Variants in TBC1D12 observed in about 807,000 individuals in gnomAD.
The protein encoded by TBC1D12 is TBC1 domain family member 12, also known as TBC1 domain family, member 12.
In TBC1D12, 56 loss-of-function variants were observed where a neutral mutation model predicts 86.7. The ratio of observed to expected loss-of-function variants is 0.65; its 90% confidence interval spans 0.52 to 0.81. TBC1D12 has a LOEUF of 0.81. Among genes scored for constraint, TBC1D12 ranks in the 30% least tolerant of loss-of-function variants. The probability of loss-of-function intolerance (pLI) is 0.00; values close to 1 mark genes in which losing one functional copy is unlikely to be tolerated. For missense variants in TBC1D12, 1,023 were observed against 1,038.8 expected (o/e 0.98, Z 0.21); for synonymous variants, 421 against 411.7 (o/e 1.02, Z -0.27).
intron 9 of TBC1D12, among the ~76,000 whole-genome samples, chr10:94,519,939 G>A (rs753736653): frequency 5.3e-5 from 8 of 152,066 alleles, no homozygotes; most frequent in Non-Finnish European, 7.3e-5. Flanking sequence ...CATATTCATA[G>A]CTTCTGGTTA....
intron 8 of TBC1D12, among the ~76,000 whole-genome samples, chr10:94,510,400 C>G (rs2056512231): frequency 6.6e-6 from 1 of 152,092 alleles, no homozygotes; most frequent in Non-Finnish European, 1.5e-5. Context: ...CATTTAATAC[C>G]TTTTATGTAG....
chr10:94,436,969 G>C (rs1283706412), intron 1 of TBC1D12, among the ~76,000 whole-genome samples: 1 of 151,904 alleles, frequency 6.6e-6, no homozygotes, highest in Non-Finnish European at 1.5e-5. Flanking sequence ...GCCTCCCAAA[G>C]TGCTGGGATT....
chr10:94,427,994 A>G (rs558557009), intron 1 of TBC1D12, among the ~76,000 whole-genome samples: 8 of 152,274 alleles, frequency 5.3e-5, no homozygotes, highest in African/African-American at 9.6e-5. Flanking sequence ...ATAAATTTGT[A>G]TATTTGAATT....
At chr10:94,471,412 G>A (rs11187969) in intron 2 of TBC1D12, among the ~76,000 whole-genome samples, 14,467 of 152,102 alleles carry the variant, frequency 0.095, 1,016 homozygotes, top group East Asian at 0.36. Context: ...ATCAAACTTG[G>A]CTTTATCCAA....
chr10:94,503,808 A>G (rs2056428495), intron 6 of TBC1D12, among the ~76,000 whole-genome samples: 1 of 152,132 alleles, frequency 6.6e-6, no homozygotes, highest in Non-Finnish European at 1.5e-5. Context: ...TATTTTTAGT[A>G]GAGATGGGGT....
chr10:94,431,606 C>G (rs2055217069), intron 1 of TBC1D12, among the ~76,000 whole-genome samples: 1 of 152,112 alleles, frequency 6.6e-6, no homozygotes, highest in East Asian at 1.9e-4. Context: ...ACAAATGGTA[C>G]TTCAAAATAT....
In TBC1D12 at chr10:94,402,923, C is replaced by G. The variant is rs778164109; in HGVS notation, c.310C>G (p.Pro104Ala). Residue 104 changes from proline (P) to alanine (A), a missense_variant, in exon 1 of 13, where the codon CCA becomes GCA. Transcript: ENST00000225235. The stretch of plus-strand genomic sequence containing the variant: ...CGGCGCCCCGCCGCCCTCGGCAGCC[C>G]CACGATCGGACGCCTGCCTGCTGGG... ...QAGAPPPSAA[P>A]RSDACLLGSG... 1.9e-5 allele frequency: 29 copies of G among 1,529,390 alleles called. No individual in the cohort carries two copies. The highest frequency in any genetic ancestry group is 2.5e-5 in the Non-Finnish European group (29 of 1,142,968). The allele number at this position is 1,529,390 out of a possible 1,614,324, so 94.7% of individuals were successfully genotyped here.
intron 11 of TBC1D12, among the ~76,000 whole-genome samples, chr10:94,530,401 TGGATGTTTGTGCAAGG>T (rs1381779564): frequency 2.0e-5 from 3 of 152,096 alleles, no homozygotes; most frequent in Admixed American, 6.6e-5. Context: ...AACAAAACAA[TGGATGTTTGTGCAAGG>T]GGAAGAGAAA....
At chr10:94,523,282 TG>T (rs982818714) in intron 11 of TBC1D12, among the ~76,000 whole-genome samples, 11 of 150,756 alleles carry the variant, frequency 7.3e-5, no homozygotes, top group African/African-American at 2.7e-4. Flanking sequence ...GTCTATAAAT[TG>T]GGAATAATAT....
intron 6 of TBC1D12, among the ~76,000 whole-genome samples, chr10:94,502,360 TA>T (rs1471031207): frequency 6.7e-6 from 1 of 150,254 alleles, no homozygotes; most frequent in African/African-American, 2.5e-5. Flanking sequence ...AATAAATAAA[TA>T]AATTTTTAAA....
intron 1 of TBC1D12, among the ~76,000 whole-genome samples, chr10:94,422,598 T>G (rs1265221845): frequency 6.6e-6 from 1 of 152,104 alleles, no homozygotes; most frequent in Non-Finnish European, 1.5e-5. Flanking sequence ...TTTTAAGAGA[T>G]AGAGTCTTGC....
chr10:94,527,870 T>C (rs1468341755), intron 11 of TBC1D12, among the ~76,000 whole-genome samples: 1 of 152,212 alleles, frequency 6.6e-6, no homozygotes, highest in African/African-American at 2.4e-5. Context: ...TTGTCAAAAA[T>C]CAGTTGGCTA....
Position 94,441,966 on chromosome 10 carries a change from G to C in TBC1D12, c.1042G>C (p.Gly348Arg), listed in dbSNP as rs1441594235. 2.5e-6 allele frequency: 4 copies of C among 1,613,046 alleles called. No homozygotes were observed. Among genetic ancestry groups the C allele is most frequent in the East Asian group, 2.2e-5 (1 of 44,750 alleles). ...TAGTGCTCCTGGTTGGAAATTATTT[G>C]GTAAAGTCCCTCCTAGAGAGAATCT... is the stretch of plus-strand genomic sequence containing the variant. ...VHSAPGWKLF[G>R]KVPPRENLQK... Residue 348 changes from glycine to arginine, a missense_variant, in exon 2 of 13, where the codon GGT becomes CGT. Around this residue, in one of 2 missense-constraint regions of TBC1D12, gnomAD observed 628 missense variants for 531.1 expected, o/e 1.18. Coordinates refer to ENST00000225235, the MANE Select transcript of TBC1D12 (RefSeq NM_015188.2).
intron 3 of TBC1D12, among the ~76,000 whole-genome samples, chr10:94,480,583 T>A (rs2056062732): frequency 6.6e-6 from 1 of 152,046 alleles, no homozygotes; most frequent in South Asian, 2.1e-4. Context: ...TGCCACTTGG[T>A]CCCTGCCACC....
rs1842531261 is a variant in TBC1D12, at chr10:94,535,841, ATAAATGTG to A, written c.*2748_*2755del. On this transcript the variant is annotated 3_prime_UTR_variant, in exon 13 of 13. Transcript: ENST00000225235. ...TGTACAGTTTCTTTACCTTTCAAGT[ATAAATGTG>A]TATATAAAATGTAAATACAAAGAAT... 1 of 152,140 alleles carries A rather than the reference ATAAATGTG, an allele frequency of 6.6e-6. No individual in the cohort carries two copies. The highest frequency in any genetic ancestry group is 2.4e-5 in the African/African-American group (1 of 41,438). The allele number at this position is 152,140 out of a possible 1,614,324, so 9.4% of individuals were successfully genotyped here.
intron 11 of TBC1D12, among the ~76,000 whole-genome samples, chr10:94,525,674 A>G: frequency 6.6e-6 from 1 of 151,894 alleles, no homozygotes. Flanking sequence ...AAAAAAAAAA[A>G]AAAAGCTAAA....
intron 11 of TBC1D12, among the ~76,000 whole-genome samples, chr10:94,529,147 GC>G (rs1842365804): frequency 6.6e-6 from 1 of 151,898 alleles, no homozygotes; most frequent in Non-Finnish European, 1.5e-5. Context: ...AGTATCTGGG[GC>G]TACAGGCAAA....
At chr10:94,441,588 TTTTAC>T (rs2055382364) in intron 1 of TBC1D12, among the ~76,000 whole-genome samples, 1 of 152,194 alleles carries the variant, frequency 6.6e-6, no homozygotes, top group Non-Finnish European at 1.5e-5. Flanking sequence ...ATAGTCTGTA[TTTTAC>T]TTTAAGTTCT....
intron 2 of TBC1D12, among the ~76,000 whole-genome samples, chr10:94,469,031 A>C (rs1230048254): frequency 6.6e-6 from 1 of 152,218 alleles, no homozygotes; most frequent in Non-Finnish European, 1.5e-5. Flanking sequence ...GGGATAAATT[A>C]GCTCCAAAGA....
Sources: allele counts gnomAD v4.1 joint callset (sites outside exome capture counted in the v4.1 genomes callset), GRCh38; gene constraint gnomAD v4.1.1; regional missense constraint gnomAD v4.1.1; transcripts MANE v1.5; gene names NCBI Gene and HGNC (gene_info 2026-07-23, HGNC 2026-07-21).